Variants in KCNN2 observed in about 807,000 individuals in gnomAD.
The protein encoded by KCNN2 is potassium calcium-activated channel subfamily N member 2, also known as small conductance calcium-activated potassium channel protein 2.
KCNN2 carries 24 observed loss-of-function variants against 55.5 expected under a neutral mutation model. That is an observed-to-expected ratio of 0.43 (90% CI 0.31 to 0.61). The LOEUF is 0.61. Among genes scored for constraint, KCNN2 ranks in the 20% least tolerant of loss-of-function variants. The pLI is 0.08. For synonymous variants in KCNN2, 431 were observed against 336.1 expected (o/e 1.28, Z -3.09); for missense variants, 754 against 853.6 (o/e 0.88, Z 1.45).
chr5:114,360,004 T>G (rs1301267464), upstream of KCNN2, among the ~76,000 whole-genome samples: 1 of 152,204 alleles, frequency 6.6e-6, no homozygotes, highest in East Asian at 1.9e-4. Flanking sequence ...TAAAGAAGTT[T>G]TATTGAATTG....
intron 3 of KCNN2, among the ~76,000 whole-genome samples, chr5:114,418,146 G>A (rs1759363464): frequency 6.6e-6 from 1 of 152,152 alleles, no homozygotes; most frequent in Admixed American, 6.5e-5. Context: ...TATACATTAA[G>A]TGTGAAAAAA....
At chr5:114,296,180 GATAA>G (rs1354532782) in intron 2 of KCNN2, among the ~76,000 whole-genome samples, 1 of 152,140 alleles carries the variant, frequency 6.6e-6, no homozygotes, top group Non-Finnish European at 1.5e-5. Flanking sequence ...TAAGCCATCA[GATAA>G]ATAAATAGTT....
intron 2 of KCNN2, among the ~76,000 whole-genome samples, chr5:114,312,960 T>G (rs1756434883): frequency 6.6e-6 from 1 of 152,138 alleles, no homozygotes; most frequent in South Asian, 2.1e-4. Context: ...AACACGTTTT[T>G]CTCATTTGCT....
chr5:114,404,357 TTG>T, intron 2 of KCNN2, 79 bp from the exon 3 acceptor site: 1 of 1,107,816 alleles, frequency 9.0e-7, no homozygotes. Context: ...AAGTCATCTG[TTG>T]TGTGTTTTTA....
At chr5:114,067,563 C>A (rs926681367) in intron 1 of KCNN2, among the ~76,000 whole-genome samples, 20 of 151,966 alleles carry the variant, frequency 1.3e-4, no homozygotes, top group African/African-American at 4.8e-4. Flanking sequence ...TATTTTTATT[C>A]CTTTTAAGAT....
chr5:114,403,775 A>T (rs1278576225), intron 2 of KCNN2, among the ~76,000 whole-genome samples: 2 of 152,190 alleles, frequency 1.3e-5, no homozygotes, highest in South Asian at 2.1e-4. Context: ...GTAAGGAATG[A>T]CAGAAACAGG....
intron 6 of KCNN2, among the ~76,000 whole-genome samples, chr5:114,487,991 AG>A (rs1314937508): frequency 6.6e-6 from 1 of 152,210 alleles, no homozygotes; most frequent in East Asian, 1.9e-4. Flanking sequence ...CTATCCAATG[AG>A]ATTTGTCTCT....
At chr5:114,231,967 ATGAAT>A (rs1754371313) in intron 2 of KCNN2, among the ~76,000 whole-genome samples, 1 of 150,502 alleles carries the variant, frequency 6.6e-6, no homozygotes, top group African/African-American at 2.5e-5. Context: ...ATCAGTTTAA[ATGAAT>A]TGAATTCAAA....
At chr5:114,345,866 C>T (rs753928842) in intron 2 of KCNN2, among the ~76,000 whole-genome samples, 11 of 152,084 alleles carry the variant, frequency 7.2e-5, no homozygotes, top group African/African-American at 1.9e-4. Context: ...CTGCAACCTC[C>T]GCCTCCCAGG....
At position 114,331,767 on chromosome 5, in the gene KCNN2, A is replaced by G. The variant is rs116943830; in HGVS notation, c.-184-29178A>G. ...CAAATTATAAATATATCTGTAAGTA[A>G]CAGGACCAATTTTCTTCAAAAATAT... On this transcript the variant is annotated intron_variant, in intron 2 of 10. Coordinates refer to the KCNN2 transcript ENST00000512097. Among the ~76,000 whole-genome samples the G allele has an allele frequency of 1.3e-3, 198 of 152,306 alleles. 2 individuals carry two copies. The East Asian group carries it at 0.031, about 24-fold the overall frequency.
chr5:114,079,156 A>C (rs1750747100), intron 1 of KCNN2, among the ~76,000 whole-genome samples: 1 of 152,172 alleles, frequency 6.6e-6, no homozygotes, highest in African/African-American at 2.4e-5. Context: ...AAATCAAGGA[A>C]ATTTTCTATT....
intron 1 of KCNN2, among the ~76,000 whole-genome samples, chr5:114,104,467 T>C (rs1336938100): frequency 1.3e-5 from 2 of 152,122 alleles, no homozygotes; most frequent in Non-Finnish European, 2.9e-5. Context: ...AGGTTTTGAA[T>C]TTGTCTTTGC....
At chr5:114,178,388 G>T (rs971549049) in intron 1 of KCNN2, among the ~76,000 whole-genome samples, 1 of 152,124 alleles carries the variant, frequency 6.6e-6, no homozygotes, top group Non-Finnish European at 1.5e-5. Context: ...ACACAGCTCA[G>T]CTATGTAATT....
At position 114,108,074 on chromosome 5, in the gene KCNN2, C is replaced by T. The variant is rs145902896; in HGVS notation, c.-271+51574C>T. On this transcript the variant is annotated intron_variant, in intron 1 of 10. Transcript: ENST00000512097. ...ATGTTATCTAAAAATAATGGTGGCT[C>T]TCTGTCTCTATTTTCTATCTTTATT... 7.6e-3 allele frequency among the ~76,000 whole-genome samples: 1,142 copies of T among 150,848 alleles called. 14 individuals carry two copies. Among genetic ancestry groups the T allele is most frequent in the African/African-American group, 0.027 (1,090 of 40,680 alleles).
At chr5:114,395,161 G>A (rs750833882) in intron 2 of KCNN2, among the ~76,000 whole-genome samples, 1 of 152,160 alleles carries the variant, frequency 6.6e-6, no homozygotes, top group Non-Finnish European at 1.5e-5. Context: ...TTCTGCAGCC[G>A]AGCTCCTTCT....
intron 2 of KCNN2, among the ~76,000 whole-genome samples, chr5:114,309,901 A>G (rs11241274): frequency 0.34 from 52,209 of 152,022 alleles, 9,342 homozygotes; most frequent in Middle Eastern, 0.4. Context: ...ATTTTGAAAG[A>G]CGAAAATAGA....
At chr5:114,422,307 G>C (rs1013115749) in intron 3 of KCNN2, among the ~76,000 whole-genome samples, 3 of 152,056 alleles carry the variant, frequency 2.0e-5, no homozygotes, top group African/African-American at 7.2e-5. Context: ...TCATGAGGGT[G>C]GAGCCCTCAT....
chr5:114,250,551 T>C (rs1157043534), intron 2 of KCNN2, among the ~76,000 whole-genome samples: 3 of 152,134 alleles, frequency 2.0e-5, no homozygotes, highest in Non-Finnish European at 4.4e-5. Context: ...TGGATGGAAA[T>C]GTCAGCTGAT....
intron 2 of KCNN2, among the ~76,000 whole-genome samples, chr5:114,244,753 T>C (rs1022971869): frequency 3.3e-5 from 5 of 152,142 alleles, no homozygotes; most frequent in Admixed American, 3.3e-4. Context: ...CTTCCTGGCT[T>C]GGTGTTTATG....
Sources: gnomAD v4.1 joint callset for allele counts (sites outside exome capture counted in the v4.1 genomes callset) on GRCh38, gnomAD v4.1.1 for gene constraint, MANE v1.5 for transcripts, NCBI Gene and HGNC (gene_info 2026-07-23, HGNC 2026-07-21) for gene names.